Variants in SH3RF2 observed in about 807,000 individuals in gnomAD.
The protein encoded by SH3RF2 is SH3 domain containing ring finger 2.
A neutral mutation model predicts 59.0 loss-of-function variants in SH3RF2; 43 were observed. The observed-to-expected ratio is 0.73, with a 90% CI of 0.57 to 0.94. The LOEUF (loss-of-function observed/expected upper bound fraction) is 0.94. SH3RF2 is among the 40% of genes least tolerant of loss of function. The pLI, the probability that SH3RF2 is intolerant of heterozygous loss-of-function variation, is 0.00. For missense variants in SH3RF2, 930 were observed against 940.1 expected (o/e 0.99, Z 0.14); for synonymous variants, 391 against 391.5 (o/e 1.00, Z 0.01).
At chr5:146,042,654 C>A (rs1488029810) in intron 5 of SH3RF2, among the ~76,000 whole-genome samples, 1 of 152,180 alleles carries the variant, frequency 6.6e-6, no homozygotes, top group Non-Finnish European at 1.5e-5. Flanking sequence ...GCAGGGCCAG[C>A]AGGGCAGAGC....
rs1379221657 is a variant in SH3RF2, at chr5:146,002,528, GGAAGGAA to G, written c.649-1528_649-1522del. ...AGGAAGGAAGGAAGGAAGGAAGGAA[GGAAGGAA>G]GGATAACCTATAAATGCATAATTGC... On this transcript the variant is annotated intron_variant, in intron 3 of 9. Transcript: ENST00000359120. Among the ~76,000 whole-genome samples the G allele has an allele frequency of 6.5e-4, 94 of 143,972 alleles. 1 individual carries two copies. Among genetic ancestry groups the G allele is most frequent in the African/African-American group, 2.4e-3 (90 of 37,002 alleles). The allele number at this position is 143,972 out of a possible 152,430, so 94.5% of individuals were successfully genotyped here.
chr5:146,003,982 C>G, intron 3 of SH3RF2, 76 bp from the exon 4 acceptor site: 1 of 1,263,096 alleles, frequency 7.9e-7, no homozygotes, highest in Non-Finnish European at 1.1e-6. Flanking sequence ...ATCTGAGACT[C>G]CAAACTGATC....
At chr5:146,030,141 C>T (rs1761690257) in intron 5 of SH3RF2, among the ~76,000 whole-genome samples, 1 of 152,200 alleles carries the variant, frequency 6.6e-6, no homozygotes, top group Admixed American at 6.5e-5. Flanking sequence ...ACTCTCTGGG[C>T]TGCTCAAGCT....
At chr5:146,002,613 C>T (rs1254078898) in intron 3 of SH3RF2, among the ~76,000 whole-genome samples, 1 of 152,136 alleles carries the variant, frequency 6.6e-6, no homozygotes, top group Non-Finnish European at 1.5e-5. Flanking sequence ...CAGTACCAGT[C>T]CGTGGCCTGT....
At chr5:146,077,364 C>T (rs1763358960) in intron 9 of SH3RF2, among the ~76,000 whole-genome samples, 1 of 152,140 alleles carries the variant, frequency 6.6e-6, no homozygotes, top group Non-Finnish European at 1.5e-5. Flanking sequence ...TATTTGAGAC[C>T]TCAGAGAAAT....
In SH3RF2 at chr5:146,046,467, T is replaced by C. The variant is rs189700900; in HGVS notation, c.1060-1305T>C. 6.6e-5 allele frequency among the ~76,000 whole-genome samples: 10 copies of C among 152,354 alleles called. 1 individual carries two copies. The East Asian group carries it at 1.3e-3, about 21-fold the overall frequency. ...AGAGTTACCATCATTTATCAGTAGA[T>C]GACTGAAAACAGACTGAATGTATTT... On this transcript the variant is annotated intron_variant, in intron 5 of 9. Transcript: ENST00000359120.
intron 2 of SH3RF2, among the ~76,000 whole-genome samples, chr5:145,969,861 A>T (rs1004486380): frequency 6.6e-6 from 1 of 152,236 alleles, no homozygotes; most frequent in African/African-American, 2.4e-5. Flanking sequence ...CTGTAGTGCC[A>T]GCATGTGGTT....
At chr5:146,070,252 G>A (rs557795068) in intron 9 of SH3RF2, among the ~76,000 whole-genome samples, 42 of 152,276 alleles carry the variant, frequency 2.8e-4, no homozygotes, top group African/African-American at 1.0e-3. Context: ...CTATCAACGT[G>A]GTTGAGATTG....
In SH3RF2 at chr5:146,074,036, C is replaced by CTTTTTTTTTTTTTTT. The variant is rs70998053; in HGVS notation, c.*34-4417_*34-4403dup. Reference sequence around the variant, plus strand: ...CCATGGGGTAGGTTTCATTAACACTCTTTTTTTTTTTTTTTTTTTTTGAGA... The same window carrying CTTTTTTTTTTTTTTT: ...CCATGGGGTAGGTTTCATTAACACTCTTTTTTTTTTTTTTTTTTTTTTTTTTTTTTTTTTTTGAGA... On this transcript the variant is annotated intron_variant, in intron 9 of 9. Transcript: ENST00000511217. Among the ~76,000 whole-genome samples, 9 of 117,232 alleles carry CTTTTTTTTTTTTTTT rather than the reference C, an allele frequency of 7.7e-5. 2 individuals are homozygous for CTTTTTTTTTTTTTTT. The highest frequency in any genetic ancestry group is 3.7e-4 in the African/African-American group (9 of 24,208). 76.9% of individuals were successfully genotyped at this position (117,232 alleles called of 152,430 possible).
intron 5 of SH3RF2, among the ~76,000 whole-genome samples, chr5:146,030,631 A>G (rs1012854947): frequency 6.6e-6 from 1 of 152,124 alleles, no homozygotes; most frequent in Non-Finnish European, 1.5e-5. Flanking sequence ...TCCACTGTTC[A>G]TTCATTTCTT....
At chr5:146,047,664 T>C (rs111733868) in intron 5 of SH3RF2, 108 bp from the exon 6 acceptor site, 1 of 961,102 alleles carries the variant, frequency 1.0e-6, no homozygotes, top group African/African-American at 1.6e-5. Context: ...CAGGCATGGC[T>C]GTTGGTTTTC....
downstream of SH3RF2, among the ~76,000 whole-genome samples, chr5:146,064,507 C>T (rs1358799543): frequency 2.1e-5 from 3 of 142,308 alleles, no homozygotes; most frequent in Non-Finnish European, 4.5e-5. Flanking sequence ...GGCACTTTAA[C>T]GCAGAAATAA....
At chr5:146,074,037 T>C (rs1763291600) in intron 9 of SH3RF2, among the ~76,000 whole-genome samples, 1 of 100,100 alleles carries the variant, frequency 1.0e-5, no homozygotes, top group Admixed American at 8.8e-5. Context: ...ATTAACACTC[T>C]TTTTTTTTTT....
At chr5:146,005,792 T>C (rs1328288721) in intron 4 of SH3RF2, among the ~76,000 whole-genome samples, 1 of 150,444 alleles carries the variant, frequency 6.6e-6, no homozygotes, top group African/African-American at 2.5e-5. Context: ...TTCCTCTGAA[T>C]ATCTGATGAG....
chr5:146,008,368 A>G (rs1429943513), intron 4 of SH3RF2, among the ~76,000 whole-genome samples: 1 of 152,218 alleles, frequency 6.6e-6, no homozygotes, highest in Admixed American at 6.5e-5. Flanking sequence ...GGACAGAACA[A>G]TTAGGTGGAA....
chr5:146,046,400 A>G (rs1762306816), intron 5 of SH3RF2, among the ~76,000 whole-genome samples: 4 of 147,936 alleles, frequency 2.7e-5, no homozygotes, highest in African/African-American at 9.9e-5. Flanking sequence ...TACACAAACA[A>G]TAGTTGTACC....
At chr5:146,031,725 G>A (rs905962662) in intron 5 of SH3RF2, among the ~76,000 whole-genome samples, 2 of 152,190 alleles carry the variant, frequency 1.3e-5, no homozygotes, top group Non-Finnish European at 2.9e-5. Context: ...CCTTCCCCAT[G>A]GAGTGTGTGT....
intron 2 of SH3RF2, among the ~76,000 whole-genome samples, chr5:145,951,567 C>A (rs1411005004): frequency 1.3e-5 from 2 of 152,184 alleles, no homozygotes; most frequent in African/African-American, 4.8e-5. Flanking sequence ...CTCTCACTGA[C>A]TTCCCACTGA....
chr5:145,989,791 A>AT (rs5871950), intron 2 of SH3RF2, among the ~76,000 whole-genome samples: 17,568 of 152,182 alleles, frequency 0.12, 1,118 homozygotes, highest in Admixed American at 0.19. Flanking sequence ...TTGAGTTCTC[A>AT]TCTCAGCTCT....
Sources: gnomAD v4.1 joint callset for allele counts (sites outside exome capture counted in the v4.1 genomes callset) on GRCh38, gnomAD v4.1.1 for gene constraint, MANE v1.5 for transcripts, NCBI Gene and HGNC (gene_info 2026-07-23, HGNC 2026-07-21) for gene names.